Variants in RMST observed in about 807,000 individuals in gnomAD.
The protein encoded by RMST is long intergenic non-protein coding RNA 54.
exon 9 of RMST, chr12:97,494,751 G>C (rs1017840019): frequency 1.3e-5 from 2 of 151,948 alleles, no homozygotes; most frequent in Admixed American, 6.6e-5. Context: ...GGATCACCTA[G>C]TTAATACTCT....
intron 10 of RMST, among the ~76,000 whole-genome samples, chr12:97,512,029 G>A (rs149496358): frequency 0.081 from 12,360 of 152,204 alleles, 742 homozygotes; most frequent in Middle Eastern, 0.14. Flanking sequence ...TAAAGGTGGC[G>A]TGTCCAGAGT....
intron 5 of RMST, among the ~76,000 whole-genome samples, chr12:97,482,519 C>T (rs746315898): frequency 9.9e-5 from 15 of 150,996 alleles, no homozygotes; most frequent in Non-Finnish European, 1.2e-4. Flanking sequence ...ACTTCCGTCA[C>T]GAGTAAAATT....
chr12:97,546,114 A>AT (rs1350859897), intron 11 of RMST, among the ~76,000 whole-genome samples: 2 of 152,062 alleles, frequency 1.3e-5, no homozygotes, highest in African/African-American at 2.4e-5. Context: ...AACTATTGTT[A>AT]TTTTTTTATG....
rs568461918 is a variant in RMST at position 97,490,919 on chromosome 12, T to G, written n.645-1542T>G. On this transcript the variant is annotated intron_variant and non_coding_transcript_variant, in intron 5 of 13. Transcript: ENST00000640149. ...TGACTGAACACTTATCTTGAAAATC[T>G]TAAGTTGGGATTGGCAAAAAAAGAA... Among the ~76,000 whole-genome samples the G allele has an allele frequency of 1.2e-4, 19 of 152,302 alleles. No homozygotes were observed. The South Asian group carries it at 3.7e-3, about 30-fold the overall frequency.
intron 13 of RMST, chr12:97,564,073 G>A (rs761914599): frequency 2.0e-4 from 68 of 336,054 alleles, no homozygotes; most frequent in Non-Finnish European, 3.2e-4. Flanking sequence ...ATTCATATTC[G>A]TAATCATTGA....
At chr12:97,490,048 T>C (rs1876600132) in intron 5 of RMST, among the ~76,000 whole-genome samples, 1 of 152,184 alleles carries the variant, frequency 6.6e-6, no homozygotes, top group South Asian at 2.1e-4. Flanking sequence ...TACAGTTCCT[T>C]TCTTATGTGA....
chr12:97,516,758 G>T (rs1022323012), intron 10 of RMST, among the ~76,000 whole-genome samples: 1 of 151,752 alleles, frequency 6.6e-6, no homozygotes, highest in Non-Finnish European at 1.5e-5. Context: ...TTTAGAAATT[G>T]CTATATAGGC....
intron 5 of RMST, chr12:97,491,912 G>T (rs1310416875): frequency 1.9e-6 from 1 of 532,852 alleles, no homozygotes; most frequent in South Asian, 1.4e-5. Context: ...CAGCTATGTG[G>T]ACTCTAGCTG....
At chr12:97,537,597 A>G (rs1250934138) in intron 11 of RMST, among the ~76,000 whole-genome samples, 1 of 151,404 alleles carries the variant, frequency 6.6e-6, no homozygotes, top group Non-Finnish European at 1.5e-5. Context: ...GTGTTAATTG[A>G]TGCAGCTGTG....
At chr12:97,513,393 G>A (rs1442228028) in intron 10 of RMST, among the ~76,000 whole-genome samples, 3 of 152,172 alleles carry the variant, frequency 2.0e-5, no homozygotes, top group East Asian at 3.9e-4. Context: ...ATACAAATAC[G>A]CAAAGATCCA....
intron 4 of RMST, among the ~76,000 whole-genome samples, chr12:97,465,474 C>T (rs1873073178): frequency 6.6e-6 from 1 of 152,146 alleles, no homozygotes; most frequent in Non-Finnish European, 1.5e-5. Context: ...TTTCCCGTTT[C>T]CTTAAAAACG....
At chr12:97,550,453 G>A (rs1407142376) in intron 11 of RMST, among the ~76,000 whole-genome samples, 1 of 152,078 alleles carries the variant, frequency 6.6e-6, no homozygotes, top group Admixed American at 6.6e-5. Flanking sequence ...AATGTCCATA[G>A]TGTCCAGATA....
intron 10 of RMST, among the ~76,000 whole-genome samples, chr12:97,507,388 C>T (rs1013443853): frequency 2.0e-5 from 3 of 151,412 alleles, no homozygotes; most frequent in African/African-American, 7.3e-5. Context: ...CATTATTTTC[C>T]AGCCTCCAAA....
intron 11 of RMST, among the ~76,000 whole-genome samples, chr12:97,539,521 C>A (rs753678859): frequency 2.6e-5 from 4 of 151,584 alleles, no homozygotes; most frequent in African/African-American, 4.8e-5. Flanking sequence ...GCTTTTACAG[C>A]ACAGACAAAG....
intron 5 of RMST, among the ~76,000 whole-genome samples, chr12:97,488,392 C>G (rs1481368976): frequency 6.6e-6 from 1 of 152,180 alleles, no homozygotes. Context: ...TCAGTCTACT[C>G]TCTTTGTCCC....
At position 97,550,740 on chromosome 12, in the gene RMST, A is replaced by G. The variant is rs185493024; in HGVS notation, n.1546-9797A>G. On this transcript the variant is annotated intron_variant and non_coding_transcript_variant, in intron 11 of 13. Coordinates refer to ENST00000640149, the Ensembl canonical transcript of RMST. ...TGCCACTATGCATCTAGAACATAGC[A>G]TCATATTTTGTGGCATCTCTCCTTC... Among the ~76,000 whole-genome samples, 129 of 152,274 alleles carry G rather than the reference A, an allele frequency of 8.5e-4. 1 individual carries two copies. The highest frequency in any genetic ancestry group is 2.9e-3 in the African/African-American group (121 of 41,576).
At chr12:97,510,391 C>T (rs1485170543) in intron 10 of RMST, among the ~76,000 whole-genome samples, 2 of 152,088 alleles carry the variant, frequency 1.3e-5, no homozygotes, top group Non-Finnish European at 2.9e-5. Flanking sequence ...TTCCATGAGT[C>T]ACTTATTTAT....
intron 10 of RMST, among the ~76,000 whole-genome samples, chr12:97,506,410 A>C (rs1159173799): frequency 6.6e-6 from 1 of 152,204 alleles, no homozygotes; most frequent in East Asian, 1.9e-4. Flanking sequence ...TTATTTATCA[A>C]AAATATTTGT....
intron 5 of RMST, among the ~76,000 whole-genome samples, chr12:97,487,154 T>C (rs1165725839): frequency 6.6e-6 from 1 of 152,200 alleles, no homozygotes; most frequent in Non-Finnish European, 1.5e-5. Context: ...TCTGAGAGCA[T>C]CTGAAGTGTT....
Sources: gnomAD v4.1 joint callset for allele counts (sites outside exome capture counted in the v4.1 genomes callset) on GRCh38, gnomAD v4.1.1 for gene constraint, MANE v1.5 for transcripts, NCBI Gene and HGNC (gene_info 2026-07-23, HGNC 2026-07-21) for gene names.